The following DBI variants were observed in gnomAD, a reference collection of about 807,000 sequenced individuals.
The protein encoded by DBI is diazepam binding inhibitor, acyl-CoA binding protein, also known as acyl-CoA-binding protein.
In DBI, 12 loss-of-function variants were observed where a neutral mutation model predicts 13.0. The ratio of observed to expected loss-of-function variants is 0.92; its 90% CI spans 0.59 to 1.49. The LOEUF is 1.49. Ranked by LOEUF, DBI falls within the 40% of genes most tolerant of loss-of-function variation. The probability of loss-of-function intolerance (pLI) is 0.00; values close to 1 mark genes in which losing one functional copy is unlikely to be tolerated. For missense variants in DBI, 95 were observed against 104.8 expected (o/e 0.91, Z 0.41); for synonymous variants, 37 against 37.4 (o/e 0.99, Z 0.04).
intron 3 of DBI, among the ~76,000 whole-genome samples, chr2:119,371,233 T>C (rs1025404130): frequency 5.3e-5 from 8 of 152,284 alleles, no homozygotes; most frequent in African/African-American, 1.7e-4. Flanking sequence ...AATGAGCTAA[T>C]GCATGGCCTG....
At chr2:119,372,202 C>G (rs781381032) in intron 3 of DBI, 43 bp from the exon 4 acceptor site, 17 of 1,498,192 alleles carry the variant, frequency 1.1e-5, no homozygotes, top group Non-Finnish European at 1.5e-5. Context: ...TTGTTTCCTA[C>G]CATGCTACCT....
At position 119,369,965 on chromosome 2, in the gene DBI, C is replaced by T. The variant is rs576123630; in HGVS notation, c.128-775C>T. 1.1e-4 allele frequency among the ~76,000 whole-genome samples: 16 copies of T among 152,172 alleles called. 1 individual carries two copies. The South Asian group carries it at 2.3e-3, about 22-fold the overall frequency. On this transcript the variant is annotated intron_variant, in intron 2 of 3. Transcript: ENST00000355857. ...ATTTCCACCGCTTGGAGAGAGCTGTCGAGGAGTGCTATTCTAGGATCCTGA... is the reference window on the plus strand; with the variant it reads ...ATTTCCACCGCTTGGAGAGAGCTGTTGAGGAGTGCTATTCTAGGATCCTGA...
intron 3 of DBI, 38 bp downstream of exon 3, chr2:119,370,840 C>G: frequency 1.9e-6 from 3 of 1,571,506 alleles, no homozygotes; most frequent in Non-Finnish European, 2.6e-6. Context: ...TTGTGAAACC[C>G]AGTAGTGAAA....
At chr2:119,371,682 C>T (rs1276197248) in intron 3 of DBI, among the ~76,000 whole-genome samples, 1 of 152,238 alleles carries the variant, frequency 6.6e-6, no homozygotes, top group Admixed American at 6.5e-5. Flanking sequence ...GTCCTTTCTA[C>T]TGCAGCAAGA....
intron 1 of DBI, chr2:119,367,977 A>T (rs767714334): frequency 1.2e-6 from 2 of 1,613,626 alleles, no homozygotes; most frequent in Non-Finnish European, 8.5e-7. Flanking sequence ...AGTGAACTGG[A>T]GGGGCTTCCC....
In DBI at chr2:119,370,795, G is replaced by A; in HGVS notation, c.183G>A (p.Glu61=). The change falls in exon 3 of 4, where the codon GAG becomes GAA. Residue 61 remains glutamate, a synonymous_variant. Transcript: ENST00000355857. ...TGKAKWDAWN[E]LKGTSKEDAM... ...AGGCCAAGTGGGATGCCTGGAATGA[G>A]CTGAAAGGTAATTGTTCTAATCAAT... 6.2e-7 allele frequency: 1 copy of A among 1,613,794 alleles called. No homozygotes were observed. The highest frequency in any genetic ancestry group is 8.5e-7 in the Non-Finnish European group (1 of 1,179,760).
intron 3 of DBI, 53 bp downstream of exon 3, chr2:119,370,855 C>G (rs1681466253): frequency 8.6e-6 from 13 of 1,503,774 alleles, no homozygotes; most frequent in African/African-American, 1.4e-5. Flanking sequence ...GTGAAAGAGT[C>G]TTCATTATGA....
rs776979309 is a variant in DBI, at chr2:119,370,743, G to C, written c.131G>C (p.Arg44Pro). The stretch of plus-strand genomic sequence containing the variant: ...GCCTTTTCTTCCCTTGTTTAAGAAC[G>C]GCCCGGGATGTTGGACTTCACGGGC... ...QATVGDINTE[R>P]PGMLDFTGKA... is the part of the protein sequence containing the mutation. The change falls in exon 3 of 4, where the codon CGG becomes CCG. Residue 44 changes from arginine to proline, a missense_variant. Arg to Pro is a moderately radical substitution (Grantham distance 103). Transcript: ENST00000355857. The C allele has an allele frequency of 4.3e-6, 7 of 1,613,730 alleles. No individual in the cohort carries two copies. Among genetic ancestry groups the C allele is most frequent in the Non-Finnish European group, 5.9e-6 (7 of 1,179,864 alleles).
intron 1 of DBI, 32 bp downstream of exon 1, chr2:119,367,092 T>C: frequency 6.2e-7 from 1 of 1,613,154 alleles, no homozygotes; most frequent in Non-Finnish European, 8.5e-7. Flanking sequence ...GCTGCGAAGG[T>C]GCAGCGGGCG....
chr2:119,367,251 G>A, intron 1 of DBI, 191 bp downstream of exon 1: 1 of 1,437,442 alleles, frequency 7.0e-7, no homozygotes, highest in African/African-American at 1.4e-5. Flanking sequence ...TTCTAAATCT[G>A]CTGCCCACCC....
intron 3 of DBI, among the ~76,000 whole-genome samples, chr2:119,372,013 G>A (rs1410602626): frequency 6.6e-6 from 1 of 152,240 alleles, no homozygotes; most frequent in Non-Finnish European, 1.5e-5. Context: ...TCCAGCAGAT[G>A]GGCGACAGAT....
intron 1 of DBI, chr2:119,367,272 G>T: frequency 7.0e-7 from 1 of 1,437,292 alleles, no homozygotes; most frequent in Non-Finnish European, 9.1e-7. Context: ...CGCAACTGCC[G>T]GAAAGTTGCC....
In DBI at chr2:119,372,370, C is replaced by T. The variant is rs777381954; in HGVS notation, c.*52C>T. On this transcript the variant is annotated 3_prime_UTR_variant, in exon 4 of 4. Transcript: ENST00000355857. Reference sequence around the variant, plus strand: ...GTGTTTATCCTAAACTGAGACAATGCCTTGTTTTTTTCTAATACCGTGGAT... The same window carrying T: ...GTGTTTATCCTAAACTGAGACAATGTCTTGTTTTTTTCTAATACCGTGGAT... 113 of 1,411,310 alleles carry T rather than the reference C, an allele frequency of 8.0e-5. No individual in the cohort carries two copies. Among genetic ancestry groups the T allele is most frequent in the Non-Finnish European group, 1.1e-4 (108 of 996,992 alleles). The allele number at this position is 1,411,310 out of a possible 1,614,324, so 87.4% of individuals were successfully genotyped here. A position where few individuals can be genotyped will look rare whatever the true frequency, so the allele number is the denominator to read the frequency against.
chr2:119,368,416 A>C, intron 2 of DBI, 111 bp downstream of exon 2: 1 of 782,756 alleles, frequency 1.3e-6, no homozygotes, highest in Admixed American at 1.8e-5. Context: ...CCTACTCTTC[A>C]GGTGGGGTAT....
At position 119,367,526 on chromosome 2, in the gene DBI, G is replaced by A. The variant is rs748451468; in HGVS notation, c.9+466G>A. 1.9e-4 allele frequency: 311 copies of A among 1,605,330 alleles called. 1 individual carries two copies. The highest frequency in any genetic ancestry group is 2.5e-4 in the Non-Finnish European group (296 of 1,173,008). ...GACGAGGAGAATCGCGGCCCGGGGA[G>A]AGGTGACCCAGGGGCCCCTCCCTTC... On this transcript the variant is annotated intron_variant, in intron 1 of 3. Transcript: ENST00000355857.
At chr2:119,367,453 A>G (rs2084202) in intron 1 of DBI, 1,329,577 of 1,567,592 alleles carry the variant, frequency 0.85, 564,833 homozygotes, top group African/African-American at 0.96. Flanking sequence ...TCCGTGGCCG[A>G]GAGCTTGGAG....
intron 3 of DBI, 125 bp from the exon 4 acceptor site, chr2:119,372,120 T>C (rs1681559870): frequency 1.4e-6 from 1 of 698,236 alleles, no homozygotes; most frequent in Non-Finnish European, 2.5e-6. Flanking sequence ...ATTAGTAGAA[T>C]CTCAACTTTA....
intron 1 of DBI, chr2:119,367,945 A>C: frequency 6.2e-7 from 1 of 1,614,128 alleles, no homozygotes; most frequent in East Asian, 2.2e-5. Flanking sequence ...AGAGCTCTGG[A>C]TATATGGTTT....
At chr2:119,369,511 G>T (rs1290167760) in intron 2 of DBI, among the ~76,000 whole-genome samples, 1 of 152,228 alleles carries the variant, frequency 6.6e-6, no homozygotes, top group Non-Finnish European at 1.5e-5. Context: ...ACTGAGGCTG[G>T]GCGCTATGGC....
Sources: allele counts gnomAD v4.1 joint callset (sites outside exome capture counted in the v4.1 genomes callset), GRCh38; gene constraint gnomAD v4.1.1; transcripts MANE v1.5; gene names NCBI Gene and HGNC (gene_info 2026-07-23, HGNC 2026-07-21).